Variants in CREB5 observed in about 807,000 individuals in gnomAD.
CREB5 encodes cyclic AMP-responsive element-binding protein 5.
In CREB5, 19 loss-of-function variants were observed where a neutral mutation model predicts 57.1. The ratio of observed to expected loss-of-function variants is 0.33; its 90% CI spans 0.23 to 0.49. CREB5 has a LOEUF of 0.49. Ranked by LOEUF, CREB5 falls within the 20% of genes least tolerant of loss-of-function variation. The pLI, the probability that CREB5 is intolerant of heterozygous loss-of-function variation, is 0.99. For synonymous variants in CREB5, 238 were observed against 238.3 expected (o/e 1.00, Z 0.01); for missense variants, 579 against 671.6 (o/e 0.86, Z 1.52).
intron 5 of CREB5, among the ~76,000 whole-genome samples, chr7:28,572,183 A>G (rs532350683): frequency 1.7e-4 from 26 of 152,332 alleles, no homozygotes; most frequent in African/African-American, 6.0e-4. Context: ...AAATGAGAGT[A>G]ATGGGTAATG....
Position 28,672,947 on chromosome 7 carries a change from G to A in CREB5, c.465-45806G>A, listed in dbSNP as rs115441070. On this transcript the variant is annotated intron_variant, in intron 5 of 10. Coordinates refer to ENST00000357727, the MANE Select transcript of CREB5 (RefSeq NM_182898.4). ...CCATAAATTTGAAGTAACCATTATG[G>A]CATTTGGCCTCTTAGATTACCTTGA... Among the ~76,000 whole-genome samples the A allele has an allele frequency of 9.6e-3, 1,456 of 152,208 alleles. 21 individuals are homozygous for A. Among genetic ancestry groups the A allele is most frequent in the African/African-American group, 0.033 (1,382 of 41,520 alleles).
chr7:28,418,835 C>T (rs1228689686), intron 1 of CREB5, among the ~76,000 whole-genome samples: 3 of 152,140 alleles, frequency 2.0e-5, no homozygotes, highest in Non-Finnish European at 4.4e-5. Flanking sequence ...CCATGTATTC[C>T]AGATATTCCA....
intron 7 of CREB5, among the ~76,000 whole-genome samples, chr7:28,780,829 TCA>T (rs1240853209): frequency 6.6e-6 from 1 of 152,170 alleles, no homozygotes; most frequent in African/African-American, 2.4e-5. Flanking sequence ...ATTTCAGCAT[TCA>T]GTAACTGCAG....
chr7:28,775,167 A>G (rs746930276), intron 7 of CREB5, among the ~76,000 whole-genome samples: 76 of 152,220 alleles, frequency 5.0e-4, no homozygotes, highest in Non-Finnish European at 8.7e-4. Flanking sequence ...TGTGGTCCCT[A>G]ATGCTAAAAC....
chr7:28,542,435 G>A (rs918591121), intron 4 of CREB5, among the ~76,000 whole-genome samples: 3 of 152,150 alleles, frequency 2.0e-5, no homozygotes, highest in African/African-American at 7.2e-5. Flanking sequence ...ATGTCTAGAA[G>A]GTGGTAAAAC....
At chr7:28,817,141 AG>A (rs1240266725) in intron 9 of CREB5, among the ~76,000 whole-genome samples, 2 of 152,170 alleles carry the variant, frequency 1.3e-5, no homozygotes, top group East Asian at 3.8e-4. Flanking sequence ...CCTGATATTG[AG>A]GGGGGAAAGA....
At chr7:28,461,903 A>T (rs912134396) in intron 1 of CREB5, among the ~76,000 whole-genome samples, 2 of 152,096 alleles carry the variant, frequency 1.3e-5, no homozygotes, top group African/African-American at 4.8e-5. Flanking sequence ...TGTCAGCTTT[A>T]TTGAGATATA....
chr7:28,804,367 C>G lies in CREB5; in HGVS notation c.871C>G (p.Pro291Ala). The G allele has an allele frequency of 6.2e-7, 1 of 1,613,654 alleles. No individual in the cohort carries two copies. ...HQTLPPHHPY[P>A]HQHQHPAHHP... ...GACACTGCCACCCCATCACCCTTAC[C>G]CACACCAGCACCAGCACCCAGCACA... is the stretch of plus-strand genomic sequence containing the variant. The change falls in exon 8 of 11, where the codon CCA becomes GCA. Residue 291 changes from proline (P) to alanine (A), a missense_variant. Pro to Ala is a conservative substitution (Grantham distance 27, BLOSUM62 -1). Coordinates refer to ENST00000357727, the MANE Select transcript of CREB5 (RefSeq NM_182898.4).
intron 1 of CREB5, among the ~76,000 whole-genome samples, chr7:28,486,729 T>A (rs988068169): frequency 2.1e-5 from 3 of 141,720 alleles, no homozygotes; most frequent in African/African-American, 7.9e-5. Context: ...AAACCATGTA[T>A]GCTATACTTA....
rs566696246 is a variant in CREB5, at chr7:28,513,018, G to T, written c.291+5281G>T. Among the ~76,000 whole-genome samples the T allele has an allele frequency of 6.2e-4, 95 of 152,220 alleles. 1 individual carries two copies. The highest frequency in any genetic ancestry group is 1.2e-3 in the Non-Finnish European group (82 of 68,042). ...AGCTCAACAGGAGTCACAGAACAGGGCATGGTGGGGTCAGCCTCAGCTCCG... is the reference window on the plus strand; with the variant it reads ...AGCTCAACAGGAGTCACAGAACAGGTCATGGTGGGGTCAGCCTCAGCTCCG... On this transcript the variant is annotated intron_variant, in intron 4 of 10. Coordinates refer to ENST00000357727, the MANE Select transcript of CREB5 (RefSeq NM_182898.4).
chr7:28,639,134 A>G (rs1162409778), intron 5 of CREB5, among the ~76,000 whole-genome samples: 1 of 152,202 alleles, frequency 6.6e-6, no homozygotes, highest in African/African-American at 2.4e-5. Flanking sequence ...AATAATTATG[A>G]GTCAGACTAA....
At chr7:28,517,593 T>C (rs546143485) in intron 4 of CREB5, among the ~76,000 whole-genome samples, 5 of 152,310 alleles carry the variant, frequency 3.3e-5, no homozygotes, top group African/African-American at 9.6e-5. Context: ...CCTATGTTCA[T>C]GTACTTTTTG....
intron 4 of CREB5, among the ~76,000 whole-genome samples, chr7:28,519,031 G>C (rs1181134946): frequency 6.6e-6 from 1 of 152,122 alleles, no homozygotes; most frequent in Non-Finnish European, 1.5e-5. Context: ...TACATCACTA[G>C]AGCATCTCAC....
At chr7:28,440,825 C>T (rs757429089) in intron 1 of CREB5, among the ~76,000 whole-genome samples, 10 of 152,208 alleles carry the variant, frequency 6.6e-5, no homozygotes, top group Non-Finnish European at 8.8e-5. Context: ...GATTTCTTTT[C>T]TTTTCTTTTT....
chr7:28,471,126 G>T (rs1432142268), intron 1 of CREB5, among the ~76,000 whole-genome samples: 1 of 152,040 alleles, frequency 6.6e-6, no homozygotes, highest in Non-Finnish European at 1.5e-5. Context: ...TGTGCATGTG[G>T]GTATTACTCA....
chr7:28,308,710 C>T (rs1343891522), intron 1 of CREB5, among the ~76,000 whole-genome samples: 1 of 152,160 alleles, frequency 6.6e-6, no homozygotes, highest in South Asian at 2.1e-4. Flanking sequence ...CTGGTCTCAT[C>T]CTTTCTTGCC....
chr7:28,442,951 AGAAGCTAATTTTAATT>A (rs1255693607), intron 1 of CREB5, among the ~76,000 whole-genome samples: 1 of 152,228 alleles, frequency 6.6e-6, no homozygotes, highest in African/African-American at 2.4e-5. Flanking sequence ...GGACAGTAAT[AGAAGCTAATTTTAATT>A]GAACACCTAC....
At chr7:28,476,145 C>T (rs753435969) in intron 1 of CREB5, among the ~76,000 whole-genome samples, 11 of 152,156 alleles carry the variant, frequency 7.2e-5, no homozygotes, top group Admixed American at 6.5e-5. Context: ...GACCTGTCTC[C>T]GAGGTCCTTC....
intron 1 of CREB5, among the ~76,000 whole-genome samples, chr7:28,390,044 G>GTT (rs35529627): frequency 0.013 from 1,915 of 142,982 alleles, 16 homozygotes; most frequent in Non-Finnish European, 0.016. Context: ...AAGTAGGAGG[G>GTT]TTTTTTTTTT....
Sources: gnomAD v4.1 joint callset for allele counts (sites outside exome capture counted in the v4.1 genomes callset) on GRCh38, gnomAD v4.1.1 for gene constraint, MANE v1.5 for transcripts, NCBI Gene and HGNC (gene_info 2026-07-23, HGNC 2026-07-21) for gene names.